Variants in PHF24 observed in about 807,000 individuals in gnomAD.
PHF24 encodes the protein PHD finger protein 24, also known as Galpha inhibitory interacting protein.
PHF24 carries 25 observed loss-of-function variants against 42.6 expected under a neutral mutation model. The observed-to-expected ratio is 0.59, with a 90% CI of 0.43 to 0.82. The LOEUF (loss-of-function observed/expected upper bound fraction) is 0.82, where lower values mean the gene tolerates loss of function less well. PHF24 is among the 40% of genes least tolerant of loss of function. The pLI is 0.00. For synonymous variants in PHF24, 185 were observed against 204.8 expected (o/e 0.90, Z 0.83); for missense variants, 470 against 538.1 (o/e 0.87, Z 1.25).
At chr9:34,854,819 C>T in the PHF24 span, among the ~76,000 whole-genome samples, 2 of 152,106 alleles carry the variant, frequency 1.3e-5, no homozygotes, top group African/African-American at 2.4e-5. Context: ...GAGTTCAGGT[C>T]CTGAATATCT....
chr9:34,793,883 G>A, the PHF24 span, among the ~76,000 whole-genome samples: 5 of 151,576 alleles, frequency 3.3e-5, no homozygotes, highest in Admixed American at 1.3e-4. Context: ...CCTAGAGGGC[G>A]GGGTGAACCC....
the PHF24 span, among the ~76,000 whole-genome samples, chr9:34,910,417 A>G: frequency 6.6e-6 from 1 of 152,230 alleles, no homozygotes; most frequent in Non-Finnish European, 1.5e-5. Flanking sequence ...AATGTCTAAA[A>G]GATCTTGAAA....
the PHF24 span, among the ~76,000 whole-genome samples, chr9:34,947,935 C>T: frequency 1.3e-5 from 2 of 151,808 alleles, no homozygotes; most frequent in Non-Finnish European, 2.9e-5. Context: ...GGTAAAACCC[C>T]GTCTCTACTA....
intron 7 of PHF24, 94 bp downstream of exon 7, chr9:34,977,735 C>A (rs1827252948): frequency 1.8e-6 from 2 of 1,093,170 alleles, no homozygotes; most frequent in African/African-American, 1.6e-5. Context: ...CACTCCAAAA[C>A]AGCAAGCGCC....
the PHF24 span, chr9:34,723,807 G>T: frequency 6.4e-7 from 1 of 1,551,738 alleles, no homozygotes; most frequent in African/African-American, 1.4e-5. Context: ...ATGACAGTTA[G>T]CTTGGTTTGA....
the PHF24 span, among the ~76,000 whole-genome samples, chr9:34,899,102 A>G: frequency 6.6e-6 from 1 of 152,154 alleles, no homozygotes; most frequent in African/African-American, 2.4e-5. Flanking sequence ...GGGCTCATTC[A>G]TGTAATGATC....
chr9:34,687,447 A>G, the PHF24 span, among the ~76,000 whole-genome samples: 1 of 152,140 alleles, frequency 6.6e-6, no homozygotes, highest in Non-Finnish European at 1.5e-5. Flanking sequence ...CAAATGGGGA[A>G]ACTGGATCTC....
chr9:34,811,915 A>G, the PHF24 span, among the ~76,000 whole-genome samples: 79 of 152,260 alleles, frequency 5.2e-4, no homozygotes, highest in Non-Finnish European at 1.1e-3. Context: ...ATTAATATCC[A>G]GTATATATAA....
chr9:34,731,203 C>T, the PHF24 span, among the ~76,000 whole-genome samples: 1 of 152,136 alleles, frequency 6.6e-6, no homozygotes, highest in African/African-American at 2.4e-5. Flanking sequence ...TTGATACAGG[C>T]ATACAATGCA....
chr9:34,709,542 G>A, the PHF24 span: 31 of 1,614,004 alleles, frequency 1.9e-5, no homozygotes, highest in African/African-American at 3.3e-4. Context: ...GCCAGTCTTG[G>A]AGGCCCCCCT....
intron 1 of PHF24, among the ~76,000 whole-genome samples, chr9:34,961,301 C>T (rs941157964): frequency 6.6e-6 from 1 of 152,238 alleles, no homozygotes; most frequent in Non-Finnish European, 1.5e-5. Flanking sequence ...CTCCACCCCT[C>T]AATCTTAATG....
At chr9:34,917,986 G>A in the PHF24 span, 2 of 1,376,082 alleles carry the variant, frequency 1.5e-6, no homozygotes, top group Admixed American at 3.3e-5. Context: ...AAATACACTG[G>A]GGAGGCCATC....
chr9:34,854,880 A>T, the PHF24 span, among the ~76,000 whole-genome samples: 1 of 152,196 alleles, frequency 6.6e-6, no homozygotes, highest in Admixed American at 6.5e-5. Context: ...GTGGGATGTT[A>T]AAATCTCCCA....
the PHF24 span, among the ~76,000 whole-genome samples, chr9:34,700,732 A>G: frequency 5.3e-5 from 8 of 152,196 alleles, no homozygotes; most frequent in Non-Finnish European, 7.3e-5. Context: ...GGTCACCAAG[A>G]GAGTGAGTGT....
chr9:34,700,966 G>A, the PHF24 span, among the ~76,000 whole-genome samples: 1 of 152,184 alleles, frequency 6.6e-6, no homozygotes, highest in Non-Finnish European at 1.5e-5. Flanking sequence ...TGGAGGTCAG[G>A]GAGGTGTTTG....
chr9:34,817,826 C>T, the PHF24 span, among the ~76,000 whole-genome samples: 2 of 152,082 alleles, frequency 1.3e-5, no homozygotes, highest in Admixed American at 1.3e-4. Flanking sequence ...TGAGAATATG[C>T]AATTGTTCTA....
chr9:34,956,704 C>T (rs1018278923), upstream of PHF24, among the ~76,000 whole-genome samples: 8 of 152,294 alleles, frequency 5.3e-5, no homozygotes, highest in Non-Finnish European at 7.3e-5. Flanking sequence ...GTGAAACTGT[C>T]GGTATGATGT....
the PHF24 span, chr9:34,893,055 A>G: frequency 4.2e-6 from 4 of 950,920 alleles, no homozygotes; most frequent in East Asian, 5.2e-5. Context: ...CCTGCCAGCA[A>G]TTGCTTAATC....
the PHF24 span, among the ~76,000 whole-genome samples, chr9:34,771,515 G>C: frequency 3.3e-5 from 5 of 152,182 alleles, no homozygotes; most frequent in Non-Finnish European, 7.3e-5. Flanking sequence ...AAATTACAAA[G>C]ATAGTACAGA....
Sources: gnomAD v4.1 joint callset for allele counts (sites outside exome capture counted in the v4.1 genomes callset) on GRCh38, gnomAD v4.1.1 for gene constraint, MANE v1.5 for transcripts, NCBI Gene and HGNC (gene_info 2026-07-23, HGNC 2026-07-21) for gene names.